NCAM2: variants seen among roughly 807,000 people sequenced by gnomAD.
NCAM2 encodes neural cell adhesion molecule 2, also known as N-CAM-2.
Under a neutral mutation model 98.1 loss-of-function variants are expected in NCAM2, and 30 were observed. The ratio of observed to expected loss-of-function variants is 0.31; its 90% CI spans 0.23 to 0.41. NCAM2 has a LOEUF of 0.41. Ranked by LOEUF, NCAM2 falls within the 10% of genes least tolerant of loss-of-function variation. The probability of loss-of-function intolerance (pLI) is 1.00; values close to 1 mark genes in which losing one functional copy is unlikely to be tolerated. For synonymous variants in NCAM2, 368 were observed against 342.4 expected (o/e 1.07, Z -0.83); for missense variants, 867 against 1,005.8 (o/e 0.86, Z 1.87).
chr21:21,299,950 A>G (rs192986175), intron 5 of NCAM2, among the ~76,000 whole-genome samples: 66 of 152,130 alleles, frequency 4.3e-4, no homozygotes, highest in African/African-American at 1.5e-3. Context: ...ACTTTAAATC[A>G]GCTCTAGATT....
At chr21:21,046,889 T>C (rs1022846741) in intron 1 of NCAM2, among the ~76,000 whole-genome samples, 4 of 152,190 alleles carry the variant, frequency 2.6e-5, no homozygotes, top group African/African-American at 7.2e-5. Flanking sequence ...TAGCAAAATA[T>C]CTAAGAAAAT....
chr21:21,464,407 C>A (rs1983402800), intron 12 of NCAM2, among the ~76,000 whole-genome samples: 1 of 152,012 alleles, frequency 6.6e-6, no homozygotes, highest in African/African-American at 2.4e-5. Context: ...CCTAGCTCAC[C>A]TTTGCTTTTG....
chr21:21,211,475 C>G (rs1437648671), intron 1 of NCAM2, among the ~76,000 whole-genome samples: 2 of 152,140 alleles, frequency 1.3e-5, no homozygotes, highest in Admixed American at 1.3e-4. Flanking sequence ...ATAGCCTTAC[C>G]ATAAACCGCA....
chr21:21,450,852 G>A (rs559930042), intron 12 of NCAM2, among the ~76,000 whole-genome samples: 1 of 150,596 alleles, frequency 6.6e-6, no homozygotes, highest in East Asian at 2.0e-4. Context: ...TGTCACCAAA[G>A]GGGATTCCCT....
At chr21:21,018,641 G>A (rs529551983) in intron 1 of NCAM2, among the ~76,000 whole-genome samples, 46 of 152,196 alleles carry the variant, frequency 3.0e-4, no homozygotes, top group African/African-American at 1.1e-3. Flanking sequence ...TTCTATTTCT[G>A]TTGACAGAGA....
intron 1 of NCAM2, among the ~76,000 whole-genome samples, chr21:21,148,811 A>C (rs1203071596): frequency 6.6e-6 from 1 of 152,198 alleles, no homozygotes; most frequent in African/African-American, 2.4e-5. Context: ...AGAATTAGAA[A>C]ATAATTATAA....
intron 9 of NCAM2, among the ~76,000 whole-genome samples, chr21:21,398,437 G>GA (rs1475321459): frequency 6.6e-6 from 1 of 152,030 alleles, no homozygotes; most frequent in Non-Finnish European, 1.5e-5. Context: ...TTAAAAAGAA[G>GA]AAAAAAGGTG....
At chr21:21,044,157 A>G (rs1022169061) in intron 1 of NCAM2, among the ~76,000 whole-genome samples, 1 of 152,192 alleles carries the variant, frequency 6.6e-6, no homozygotes, top group African/African-American at 2.4e-5. Flanking sequence ...TCCTAAGGGT[A>G]TGTATTTCAT....
intron 12 of NCAM2, among the ~76,000 whole-genome samples, chr21:21,449,511 A>G (rs1294006631): frequency 6.6e-6 from 1 of 152,164 alleles, no homozygotes; most frequent in African/African-American, 2.4e-5. Context: ...GTGGGCTCTC[A>G]TGCACATTTT....
intron 1 of NCAM2, among the ~76,000 whole-genome samples, chr21:21,236,344 A>G (rs1053127859): frequency 6.6e-6 from 1 of 152,042 alleles, no homozygotes; most frequent in African/African-American, 2.4e-5. Context: ...TGATATCACA[A>G]CCATCAATAA....
chr21:21,150,740 CTA>C (rs2067422343), intron 1 of NCAM2, among the ~76,000 whole-genome samples: 1 of 151,646 alleles, frequency 6.6e-6, no homozygotes, highest in African/African-American at 2.4e-5. Flanking sequence ...ATTTCTGTGT[CTA>C]TATTAGTGAT....
At chr21:21,025,686 G>A (rs866855830) in intron 1 of NCAM2, among the ~76,000 whole-genome samples, 1 of 152,036 alleles carries the variant, frequency 6.6e-6, no homozygotes, top group Non-Finnish European at 1.5e-5. Context: ...CAAAGAGGAG[G>A]CATTTTATAA....
intron 5 of NCAM2, among the ~76,000 whole-genome samples, chr21:21,299,685 T>G (rs1027295622): frequency 6.6e-6 from 1 of 150,970 alleles, no homozygotes; most frequent in Non-Finnish European, 1.5e-5. Flanking sequence ...AGAAAGCAAT[T>G]CTAAATATGA....
chr21:21,298,979 T>C (rs2073602794), intron 5 of NCAM2, among the ~76,000 whole-genome samples: 1 of 151,376 alleles, frequency 6.6e-6, no homozygotes, highest in South Asian at 2.1e-4. Context: ...CTAAAATTTA[T>C]TTGATGAGTA....
intron 8 of NCAM2, among the ~76,000 whole-genome samples, chr21:21,352,322 ATGT>A (rs1249275416): frequency 6.6e-6 from 1 of 151,882 alleles, no homozygotes; most frequent in Non-Finnish European, 1.5e-5. Context: ...GGGTTTTGTC[ATGT>A]TGTTCAGGAT....
intron 1 of NCAM2, among the ~76,000 whole-genome samples, chr21:21,243,770 C>T (rs2071159911): frequency 1.3e-5 from 2 of 152,154 alleles, no homozygotes. Context: ...AAAGCTCACA[C>T]ACATCTGGGA....
intron 15 of NCAM2, among the ~76,000 whole-genome samples, chr21:21,498,316 G>T (rs952117595): frequency 5.3e-5 from 8 of 151,858 alleles, no homozygotes; most frequent in African/African-American, 1.7e-4. Context: ...TCATTTCATA[G>T]AATTTATCTC....
intron 1 of NCAM2, among the ~76,000 whole-genome samples, chr21:21,248,064 TTAAA>T (rs1427524728): frequency 2.6e-5 from 4 of 152,190 alleles, no homozygotes; most frequent in African/African-American, 7.2e-5. Context: ...TTCAATTCAA[TTAAA>T]TAGACAATAA....
At chr21:21,161,053 T>C (rs993571458) in intron 1 of NCAM2, among the ~76,000 whole-genome samples, 1 of 152,052 alleles carries the variant, frequency 6.6e-6, no homozygotes, top group African/African-American at 2.4e-5. Flanking sequence ...TTAATGTATG[T>C]TTAGGTTTCC....
Sources: allele counts gnomAD v4.1 joint callset (sites outside exome capture counted in the v4.1 genomes callset), GRCh38; gene constraint gnomAD v4.1.1; transcripts MANE v1.5; gene names NCBI Gene and HGNC (gene_info 2026-07-23, HGNC 2026-07-21).